Variants in TRAPPC9 observed in about 807,000 individuals in gnomAD.
TRAPPC9 encodes the protein IKK2 binding protein.
In TRAPPC9, 83 loss-of-function variants were observed where a neutral mutation model predicts 124.0. That is an observed-to-expected ratio of 0.67 (90% CI 0.56 to 0.80). The LOEUF (loss-of-function observed/expected upper bound fraction) is 0.80, where lower values mean the gene tolerates loss of function less well. Ranked by LOEUF, TRAPPC9 falls within the 30% of genes least tolerant of loss-of-function variation. TRAPPC9 has a pLI of 0.00. For synonymous variants in TRAPPC9, 638 were observed against 617.5 expected, an observed-to-expected ratio of 1.03 and a Z score of -0.49; for missense variants, 1,302 against 1,508.3, an observed-to-expected ratio of 0.86 and a Z score of 2.27.
intron 21 of TRAPPC9, among the ~76,000 whole-genome samples, chr8:139,816,418 C>G (rs942813500): frequency 1.3e-5 from 2 of 152,188 alleles, no homozygotes; most frequent in Non-Finnish European, 2.9e-5. Context: ...TAGAGCAATG[C>G]TGGGTGTGTT....
At chr8:140,185,082 T>C (rs2062321928) in intron 17 of TRAPPC9, among the ~76,000 whole-genome samples, 3 of 152,238 alleles carry the variant, frequency 2.0e-5, no homozygotes, top group Admixed American at 2.0e-4. Context: ...AATCCCACTA[T>C]GTTCTCAGAT....
chr8:139,813,298 G>A (rs1200206509), intron 21 of TRAPPC9, among the ~76,000 whole-genome samples: 4 of 152,196 alleles, frequency 2.6e-5, no homozygotes, highest in Non-Finnish European at 5.9e-5. Flanking sequence ...ACCTGCTGTG[G>A]GGCTGGTGTG....
Position 140,239,657 on chromosome 8 carries a change from C to A in TRAPPC9, c.2431+13120G>T, listed in dbSNP as rs116128249. Among the ~76,000 whole-genome samples the A allele has an allele frequency of 7.5e-3, 1,148 of 152,322 alleles. 21 individuals carry two copies. The highest frequency in any genetic ancestry group is 0.026 in the African/African-American group (1,072 of 41,566). On this transcript the variant is annotated intron_variant, in intron 16 of 22. Coordinates refer to ENST00000438773, the MANE Select transcript of TRAPPC9 (RefSeq NM_001160372.4). ...TGGACACCTACACCAACACACCGTG[C>A]ACTCCGCCAGGTCCTCTGCTCTCGC... is the stretch of plus-strand genomic sequence containing the variant.
At chr8:139,878,633 C>T (rs570290774) in intron 21 of TRAPPC9, among the ~76,000 whole-genome samples, 1 of 152,286 alleles carries the variant, frequency 6.6e-6, no homozygotes, top group South Asian at 2.1e-4. Context: ...AGACCTCACG[C>T]CTGGCCCAGC....
intron 5 of TRAPPC9, among the ~76,000 whole-genome samples, chr8:140,413,656 C>G (rs1444540019): frequency 9.4e-6 from 1 of 105,902 alleles, no homozygotes; most frequent in Admixed American, 1.2e-4. Flanking sequence ...GCTATCCCTC[C>G]CCCCTCCCCC....
chr8:140,186,382 G>A (rs1587879732), intron 17 of TRAPPC9, among the ~76,000 whole-genome samples: 1 of 152,084 alleles, frequency 6.6e-6, no homozygotes, highest in East Asian at 1.9e-4. Context: ...TCAGGAGTTT[G>A]AGACCAGCCT....
At chr8:139,818,828 A>G (rs1394384074) in intron 21 of TRAPPC9, among the ~76,000 whole-genome samples, 1 of 152,218 alleles carries the variant, frequency 6.6e-6, no homozygotes, top group Non-Finnish European at 1.5e-5. Context: ...TCCCCATTCT[A>G]TGAGAACCAG....
At chr8:140,272,077 T>TGGTTGTGTTGATGATGA (rs2064912904) in intron 15 of TRAPPC9, among the ~76,000 whole-genome samples, 1 of 127,524 alleles carries the variant, frequency 7.8e-6, no homozygotes, top group Non-Finnish European at 1.7e-5. Context: ...GTGATGATGG[T>TGGTTGTGTTGATGATGA]GGTGGTTGTG....
At chr8:139,973,251 C>T (rs899808923) in intron 19 of TRAPPC9, among the ~76,000 whole-genome samples, 2 of 152,224 alleles carry the variant, frequency 1.3e-5, no homozygotes, top group Non-Finnish European at 2.9e-5. Flanking sequence ...TAGGGGAGGC[C>T]TTGGAGGGGT....
rs963573326 is a variant in TRAPPC9 at position 139,729,621 on chromosome 8, C to T, written c.*1440G>A. On this transcript the variant is annotated 3_prime_UTR_variant, in exon 23 of 23. Coordinates refer to ENST00000438773, the MANE Select transcript of TRAPPC9 (RefSeq NM_001160372.4). The stretch of plus-strand genomic sequence containing the variant: ...TTCACTGAGCGACAACAGGAGGCCA[C>T]AGATGGAACAAAAAATTTGTTCCTT... Among the ~76,000 whole-genome samples the T allele has an allele frequency of 1.3e-4, 20 of 152,354 alleles. No homozygotes were observed. Among genetic ancestry groups the T allele is most frequent in the East Asian group, 7.7e-4 (4 of 5,180 alleles).
intron 7 of TRAPPC9, among the ~76,000 whole-genome samples, chr8:140,384,106 C>G (rs1014947568): frequency 2.0e-5 from 3 of 152,042 alleles, no homozygotes; most frequent in African/African-American, 2.4e-5. Flanking sequence ...TACAGACAAG[C>G]AAATGCTGAG....
At chr8:140,006,440 C>A (rs1278786723) in intron 18 of TRAPPC9, among the ~76,000 whole-genome samples, 1 of 152,134 alleles carries the variant, frequency 6.6e-6, no homozygotes, top group Admixed American at 6.5e-5. Flanking sequence ...AACAATCCAG[C>A]AGCTCCTTAA....
intron 19 of TRAPPC9, among the ~76,000 whole-genome samples, chr8:139,968,615 C>T (rs1457650265): frequency 1.3e-5 from 2 of 152,240 alleles, no homozygotes; most frequent in Non-Finnish European, 1.5e-5. Context: ...GGCCTCTTCC[C>T]GTTCTCCTCT....
chr8:140,440,922 C>CCTCTGCA (rs935167346), intron 2 of TRAPPC9, among the ~76,000 whole-genome samples: 2 of 151,638 alleles, frequency 1.3e-5, no homozygotes, highest in Non-Finnish European at 2.9e-5. Context: ...CTGACTCCAA[C>CCTCTGCA]CTCTGCACTT....
chr8:140,413,963 A>G (rs1184192813), intron 5 of TRAPPC9, among the ~76,000 whole-genome samples: 1 of 151,970 alleles, frequency 6.6e-6, no homozygotes, highest in Admixed American at 6.6e-5. Context: ...TAGTGCCGCA[A>G]TAAACATACG....
At chr8:139,868,781 C>T (rs948935043) in intron 21 of TRAPPC9, among the ~76,000 whole-genome samples, 3 of 152,188 alleles carry the variant, frequency 2.0e-5, no homozygotes, top group African/African-American at 7.2e-5. Context: ...CAGTTCTAAG[C>T]TCTGAGAATA....
At chr8:140,017,783 T>G (rs1022939515) in intron 18 of TRAPPC9, among the ~76,000 whole-genome samples, 10 of 152,204 alleles carry the variant, frequency 6.6e-5, no homozygotes, top group Admixed American at 6.5e-5. Flanking sequence ...GCATTCAACT[T>G]ACAATCAGTT....
At position 140,060,973 on chromosome 8, in the gene TRAPPC9, A is replaced by G. The variant is rs76659780; in HGVS notation, c.2557-36894T>C. On this transcript the variant is annotated intron_variant, in intron 17 of 22. Coordinates refer to ENST00000438773, the MANE Select transcript of TRAPPC9 (RefSeq NM_001160372.4). ...AGGCTTTAAGAATGAGGGATCTAAC[A>G]TTACAGGTCAGCATTTCCCAGTCAC... Among the ~76,000 whole-genome samples the G allele has an allele frequency of 2.1e-4, 32 of 152,342 alleles. No homozygotes were observed. In the East Asian group the frequency reaches 6.0e-3, roughly 28 times the overall value.
intron 19 of TRAPPC9, among the ~76,000 whole-genome samples, chr8:139,976,548 C>G (rs1242905135): frequency 6.6e-6 from 1 of 152,206 alleles, no homozygotes; most frequent in Non-Finnish European, 1.5e-5. Context: ...AAGGAACTCT[C>G]TGACTCAATA....
Sources: allele counts gnomAD v4.1 joint callset (sites outside exome capture counted in the v4.1 genomes callset), GRCh38; gene constraint gnomAD v4.1.1; transcripts MANE v1.5; gene names NCBI Gene and HGNC (gene_info 2026-07-23, HGNC 2026-07-21).